The following MYL3 variants were observed in gnomAD, a reference collection of about 807,000 sequenced individuals.
MYL3 encodes CMLC1.
MYL3 carries 11 observed loss-of-function variants against 21.3 expected under a neutral mutation model. That is an observed-to-expected ratio of 0.52 (90% CI 0.32 to 0.85). The LOEUF (loss-of-function observed/expected upper bound fraction) is 0.85, where lower values mean the gene tolerates loss of function less well. Ranked by LOEUF, MYL3 falls within the 40% of genes least tolerant of loss-of-function variation. The probability of loss-of-function intolerance (pLI) is 0.03; values close to 1 mark genes in which losing one functional copy is unlikely to be tolerated. For missense variants in MYL3, 206 were observed against 253.3 expected, an observed-to-expected ratio of 0.81 and a Z score of 1.27; for synonymous variants, 88 against 91.6, an observed-to-expected ratio of 0.96 and a Z score of 0.22.
rs1701965478 is a variant in MYL3 at position 46,859,370 on chromosome 3, A to T, written c.481+105T>A. On this transcript the variant is annotated intron_variant, in intron 4 of 6. Transcript: ENST00000292327. The surrounding 1 kb of genome is among the most constrained non-coding windows in gnomAD (Gnocchi z 4.1). ...GCCATTGAGGCTCCCTAATTATGTA[A>T]CTCTCTCCATTTCACCAATGGGTCA... 2 of 1,448,092 alleles carry T rather than the reference A, an allele frequency of 1.4e-6. No homozygotes were observed. The highest frequency in any genetic ancestry group is 1.9e-6 in the Non-Finnish European group (2 of 1,038,942). 89.7% of individuals were successfully genotyped at this position (1,448,092 alleles called of 1,614,324 possible). A position where few individuals can be genotyped will look rare whatever the true frequency, so the allele number is the denominator to read the frequency against.
upstream of MYL3, among the ~76,000 whole-genome samples, chr3:46,867,722 G>A (rs140231579): frequency 6.6e-5 from 10 of 152,354 alleles, no homozygotes; most frequent in African/African-American, 1.7e-4. Flanking sequence ...CACACTTCCC[G>A]GAGGAGTCGA....
chr3:46,881,310 C>A (rs757602699), intron 1 of MYL3, among the ~76,000 whole-genome samples: 3 of 152,206 alleles, frequency 2.0e-5, no homozygotes, highest in Admixed American at 2.0e-4. Context: ...AGAGCTCCAG[C>A]GTGCCCTCCC....
chr3:46,869,791 G>A (rs1406202610), intron 1 of MYL3, among the ~76,000 whole-genome samples: 1 of 152,210 alleles, frequency 6.6e-6, no homozygotes, highest in Middle Eastern at 3.2e-3. Flanking sequence ...TCTGTTGAAT[G>A]GCCAATTCAG....
intron 1 of MYL3, among the ~76,000 whole-genome samples, chr3:46,869,384 G>A (rs1360000637): frequency 3.3e-5 from 5 of 152,282 alleles, no homozygotes; most frequent in South Asian, 2.1e-4. Context: ...AGCCGGCCTT[G>A]GAGGAGACTG....
rs1260291197 is a variant in MYL3 at position 46,859,817 on chromosome 3, C to T, written c.308-169G>A. Among the ~76,000 whole-genome samples the T allele has an allele frequency of 3.9e-5, 6 of 152,318 alleles. No individual in the cohort carries two copies. The highest frequency in any genetic ancestry group is 7.3e-5 in the Non-Finnish European group (5 of 68,040). ...TTGCCATTTAAAAGCAAACTACCAT[C>T]GCGAGGCACTTTACAGTCTACTGAG... On this transcript the variant is annotated intron_variant, in intron 3 of 6. Transcript: ENST00000292327. The surrounding 1 kb of genome is among the most constrained non-coding windows in gnomAD (Gnocchi z 4.1).
chr3:46,857,941 G>A lies in MYL3; in HGVS notation c.*174C>T, dbSNP rs1021372893. ...GGGACAGAGCTGCTGTCACAGGTAA[G>A]CACAGCCTGAGAGGGGCCAGAGACG... is the stretch of plus-strand genomic sequence containing the variant. On this transcript the variant is annotated 3_prime_UTR_variant, in exon 7 of 7. Coordinates refer to ENST00000292327, the MANE Select transcript of MYL3 (RefSeq NM_000258.3). The surrounding 1 kb of genome is among the most constrained non-coding windows in gnomAD (Gnocchi z 5.0). 1.9e-6 allele frequency: 1 copy of A among 520,632 alleles called. No homozygotes were observed. The highest frequency in any genetic ancestry group is 3.5e-6 in the Non-Finnish European group (1 of 286,168). The allele number at this position is 520,632 out of a possible 1,614,324, so 32.3% of individuals were successfully genotyped here.
upstream of MYL3, among the ~76,000 whole-genome samples, chr3:46,866,234 C>T (rs1702047318): frequency 6.6e-6 from 1 of 152,240 alleles, no homozygotes; most frequent in African/African-American, 2.4e-5. Context: ...GCCTAGCAGG[C>T]AGGATCTGGG....
chr3:46,859,596 G>A lies in MYL3; in HGVS notation c.360C>T (p.His120=), dbSNP rs1314822874. 7.4e-6 allele frequency: 12 copies of A among 1,614,112 alleles called. No individual in the cohort carries two copies. Among genetic ancestry groups the A allele is most frequent in the African/African-American group, 2.7e-5 (2 of 74,932 alleles). ...DFETFLPMLQ[H]ISKNKDTGTY... ...TGCCTGTGTCCTTGTTCTTGGAAAT[G>A]TGCTGGAGCATAGGCAGGAAAGTTT... Residue 120 remains histidine, a synonymous_variant, in exon 4 of 7, where the codon CAC becomes CAT. Coordinates refer to ENST00000292327, the MANE Select transcript of MYL3 (RefSeq NM_000258.3). This position sits in a 1 kb window ranked among gnomAD's most constrained non-coding sequence, Gnocchi z 4.1.
At chr3:46,866,118 G>C (rs1702046619), upstream of MYL3, among the ~76,000 whole-genome samples, 1 of 151,520 alleles carries the variant, frequency 6.6e-6, no homozygotes, top group Non-Finnish European at 1.5e-5. Flanking sequence ...GGGGGTGGAG[G>C]GAGGGAGGGT....
At chr3:46,870,480 C>G (rs1462514415) in intron 1 of MYL3, among the ~76,000 whole-genome samples, 2 of 108,024 alleles carry the variant, frequency 1.9e-5, no homozygotes, top group South Asian at 6.3e-4. Flanking sequence ...GCCATGGTGG[C>G]CCCCTACACC....
intron 1 of MYL3, among the ~76,000 whole-genome samples, chr3:46,870,656 TTATGTATCCACCCTCCCAGTGTGGC>T: frequency 6.6e-6 from 1 of 152,260 alleles, no homozygotes; most frequent in East Asian, 1.9e-4. Context: ...GTGTGAGTAT[TTATGTATCCACCCTCCCAGTGTGGC>T]TATGTCTGAA....
At chr3:46,880,116 A>T (rs1306225696) in intron 1 of MYL3, 1 of 152,252 alleles carries the variant, frequency 6.6e-6, no homozygotes, top group Non-Finnish European at 1.5e-5. Context: ...TTAGGTGCCC[A>T]TTCTGGCACC....
At position 46,879,167 on chromosome 3, in the gene MYL3, G is replaced by C. The variant is rs1212310713; in HGVS notation, c.-218+2907C>G. On this transcript the variant is annotated intron_variant, in intron 1 of 3. Transcript: ENST00000431168. This position sits in a 1 kb window ranked among gnomAD's most constrained non-coding sequence, Gnocchi z 4.7. ...CAGGGGACTCTGGGGTGAGGCACAT[G>C]AGTTATGGCAGGAGGAATGCCCTTA... Among the ~76,000 whole-genome samples the C allele has an allele frequency of 1.3e-5, 2 of 152,174 alleles. No individual in the cohort carries two copies. The highest frequency in any genetic ancestry group is 2.9e-5 in the Non-Finnish European group (2 of 68,032).
rs185407055 is a variant in MYL3, at chr3:46,871,418, T to C, written c.-217-4818A>G. The stretch of plus-strand genomic sequence containing the variant: ...TTTGGGGCTTTCGAGCTTCAGCATC[T>C]GTGTTGTTCTTGGCACATCCGGGCC... On this transcript the variant is annotated intron_variant, in intron 1 of 3. Coordinates refer to the MYL3 transcript ENST00000431168. Among the ~76,000 whole-genome samples the C allele has an allele frequency of 1.4e-3, 216 of 152,248 alleles. 1 individual carries two copies. Among genetic ancestry groups the C allele is most frequent in the African/African-American group, 4.2e-3 (176 of 41,550 alleles).
rs554200898 is a variant in MYL3 at position 46,873,828 on chromosome 3, A to G, written c.-217-7228T>C. 2.6e-5 allele frequency among the ~76,000 whole-genome samples: 4 copies of G among 152,296 alleles called. No homozygotes were observed. The East Asian group carries it at 5.8e-4, about 22-fold the overall frequency. The stretch of plus-strand genomic sequence containing the variant: ...TCCGGGAGGCAGAGAGGCCCCAGAG[A>G]TAGAGCAGAGGTCAGGGCAGGCAGG... On this transcript the variant is annotated intron_variant, in intron 1 of 3. Transcript: ENST00000431168.
chr3:46,857,968 C>T lies in MYL3; in HGVS notation c.*147G>A. Reference sequence around the variant, plus strand: ...ACAGCCTGAGAGGGGCCAGAGACGGCAACCACGTGGAGAGGTCCAAGGGTT... The same window carrying T: ...ACAGCCTGAGAGGGGCCAGAGACGGTAACCACGTGGAGAGGTCCAAGGGTT... On this transcript the variant is annotated 3_prime_UTR_variant, in exon 7 of 7. Transcript: ENST00000292327. The surrounding 1 kb of genome is among the most constrained non-coding windows in gnomAD (Gnocchi z 5.0). The T allele has an allele frequency of 1.8e-6, 1 of 549,202 alleles. No individual in the cohort carries two copies. Among genetic ancestry groups the T allele is most frequent in the Non-Finnish European group, 3.3e-6 (1 of 304,034 alleles). The allele number at this position is 549,202 out of a possible 1,614,324, so 34.0% of individuals were successfully genotyped here. A position where few individuals can be genotyped will look rare whatever the true frequency, so the allele number is the denominator to read the frequency against.
At chr3:46,880,043 G>GA (rs2030456373) in intron 1 of MYL3, among the ~76,000 whole-genome samples, 1 of 152,170 alleles carries the variant, frequency 6.6e-6, no homozygotes, top group Non-Finnish European at 1.5e-5. Flanking sequence ...AAAAAGAAAA[G>GA]AAACAGAGGC....
chr3:46,868,874 G>C (rs1157654482), intron 1 of MYL3, among the ~76,000 whole-genome samples: 1 of 152,214 alleles, frequency 6.6e-6, no homozygotes, highest in Non-Finnish European at 1.5e-5. Flanking sequence ...GCATCAGTTG[G>C]GTCTGTGCAT....
At chr3:46,865,649 G>A (rs1056624909), upstream of MYL3, among the ~76,000 whole-genome samples, 1 of 152,198 alleles carries the variant, frequency 6.6e-6, no homozygotes, top group African/African-American at 2.4e-5. This position sits in a 1 kb window ranked among gnomAD's most constrained non-coding sequence, Gnocchi z 4.3. Flanking sequence ...GGCCCAAATG[G>A]GGGTAAGCCA....
Sources: allele counts gnomAD v4.1 joint callset (sites outside exome capture counted in the v4.1 genomes callset), GRCh38; gene constraint gnomAD v4.1.1; non-coding constraint Gnocchi (gnomAD v3.1); transcripts MANE v1.5; gene names NCBI Gene and HGNC (gene_info 2026-07-23, HGNC 2026-07-21).